The following DACH1 variants were observed in gnomAD, a reference collection of about 807,000 sequenced individuals.
DACH1 encodes dachshund family transcription factor 1.
DACH1 carries 12 observed loss-of-function variants against 54.2 expected under a neutral mutation model. The ratio of observed to expected loss-of-function variants is 0.22; its 90% CI spans 0.14 to 0.36. The LOEUF is 0.36. Ranked by LOEUF, DACH1 falls within the 10% of genes least tolerant of loss-of-function variation. DACH1 has a pLI of 1.00. For missense variants in DACH1, 805 were observed against 929.8 expected, an observed-to-expected ratio of 0.87 and a Z score of 1.75; for synonymous variants, 386 against 366.2, an observed-to-expected ratio of 1.05 and a Z score of -0.62.
At chr13:71,615,137 G>A (rs569024096) in intron 3 of DACH1, among the ~76,000 whole-genome samples, 1 of 151,862 alleles carries the variant, frequency 6.6e-6, no homozygotes, top group South Asian at 2.1e-4. Flanking sequence ...AACTATAAAA[G>A]CTTATGTTCT....
At chr13:71,569,059 T>C (rs1280885497) in intron 4 of DACH1, among the ~76,000 whole-genome samples, 1 of 152,164 alleles carries the variant, frequency 6.6e-6, no homozygotes, top group Non-Finnish European at 1.5e-5. Flanking sequence ...GACTCTCTCA[T>C]GAACGCTTGC....
At chr13:71,655,898 C>G (rs1879060718) in intron 2 of DACH1, among the ~76,000 whole-genome samples, 1 of 151,672 alleles carries the variant, frequency 6.6e-6, no homozygotes, top group Non-Finnish European at 1.5e-5. Flanking sequence ...ATTAATCTGC[C>G]AAAGAAGAAA....
intron 3 of DACH1, among the ~76,000 whole-genome samples, chr13:71,623,830 C>G (rs1362286676): frequency 1.3e-5 from 2 of 151,728 alleles, no homozygotes; most frequent in African/African-American, 4.8e-5. Flanking sequence ...CTCTCTGCTC[C>G]CCTACCTGAG....
At chr13:71,832,717 A>G (rs1177549099) in intron 1 of DACH1, among the ~76,000 whole-genome samples, 1 of 151,936 alleles carries the variant, frequency 6.6e-6, no homozygotes, top group Non-Finnish European at 1.5e-5. Context: ...GACATCTTCT[A>G]CTACTGGAAA....
At chr13:71,675,550 T>C in intron 2 of DACH1, 1 of 840,264 alleles carries the variant, frequency 1.2e-6, no homozygotes, top group Admixed American at 2.4e-5. Context: ...TTATTGGTAG[T>C]TCTGAACGTT....
intron 6 of DACH1, among the ~76,000 whole-genome samples, chr13:71,526,478 A>G (rs1881963352): frequency 6.6e-6 from 1 of 152,102 alleles, no homozygotes; most frequent in Non-Finnish European, 1.5e-5. Context: ...CATACTGACT[A>G]CAAATATCTT....
At chr13:71,657,222 T>G (rs1879169637) in intron 2 of DACH1, among the ~76,000 whole-genome samples, 1 of 151,940 alleles carries the variant, frequency 6.6e-6, no homozygotes, top group African/African-American at 2.4e-5. Context: ...TGTCTCCTAG[T>G]ATGGTGCATT....
At position 71,681,744 on chromosome 13, in the gene DACH1, G is replaced by A. The variant is rs752059142; in HGVS notation, c.964+51C>T. The A allele has an allele frequency of 2.9e-5, 39 of 1,344,180 alleles. No homozygotes were observed. In the East Asian group the frequency reaches 7.4e-4, roughly 25 times the overall value. The allele number at this position is 1,344,180 out of a possible 1,614,324, so 83.3% of individuals were successfully genotyped here. The stretch of plus-strand genomic sequence containing the variant: ...CACCACAGATATATATAAAAGCTAC[G>A]ACATTGGCTGATTTTTAATATTTTT... On this transcript the variant is annotated intron_variant, in intron 2 of 10. Coordinates refer to ENST00000613252, the MANE Select transcript of DACH1 (RefSeq NM_080759.6).
At chr13:71,768,860 G>A (rs1162397359) in intron 1 of DACH1, among the ~76,000 whole-genome samples, 1 of 151,764 alleles carries the variant, frequency 6.6e-6, no homozygotes, top group Non-Finnish European at 1.5e-5. Flanking sequence ...TGAGTTATTT[G>A]ACATCACGCA....
intron 1 of DACH1, among the ~76,000 whole-genome samples, chr13:71,767,488 T>C (rs1885687596): frequency 6.6e-6 from 1 of 152,092 alleles, no homozygotes; most frequent in Admixed American, 6.6e-5. Flanking sequence ...TATTAATCCA[T>C]TTCTATGACA....
At chr13:71,816,677 C>CAT (rs1186879484) in intron 1 of DACH1, among the ~76,000 whole-genome samples, 274 of 125,394 alleles carry the variant, frequency 2.2e-3, no homozygotes, top group African/African-American at 7.5e-3. Flanking sequence ...TATATACACA[C>CAT]ATATATATAT....
intron 10 of DACH1, among the ~76,000 whole-genome samples, chr13:71,467,514 TAAA>T (rs1876696332): frequency 6.6e-6 from 1 of 150,416 alleles, no homozygotes; most frequent in Non-Finnish European, 1.5e-5. Flanking sequence ...TAAAATAAAA[TAAA>T]TAAAAAAGAA....
chr13:71,865,788 A>T (rs1233893686), intron 1 of DACH1, 134 bp downstream of exon 1: 5 of 1,273,258 alleles, frequency 3.9e-6, no homozygotes, highest in Non-Finnish European at 4.9e-6. Flanking sequence ...GAGCAGGGAG[A>T]GGAGAGGGCC....
chr13:71,674,546 CT>C (rs1285710357), intron 2 of DACH1, among the ~76,000 whole-genome samples: 1 of 151,880 alleles, frequency 6.6e-6, no homozygotes, highest in Non-Finnish European at 1.5e-5. Flanking sequence ...CAAGAAATGC[CT>C]GCAGCTCCCA....
intron 8 of DACH1, among the ~76,000 whole-genome samples, chr13:71,478,158 T>G (rs1405720410): frequency 6.6e-6 from 1 of 152,082 alleles, no homozygotes; most frequent in Non-Finnish European, 1.5e-5. Context: ...TTGACCCAAC[T>G]TATTTATTCA....
At chr13:71,650,343 G>A (rs564657992) in intron 2 of DACH1, among the ~76,000 whole-genome samples, 85 of 152,122 alleles carry the variant, frequency 5.6e-4, no homozygotes, top group African/African-American at 2.0e-3. Flanking sequence ...AGCAGTACTT[G>A]GTATATTACA....
At chr13:71,691,857 A>T (rs1398526381) in intron 1 of DACH1, among the ~76,000 whole-genome samples, 1 of 152,182 alleles carries the variant, frequency 6.6e-6, no homozygotes, top group African/African-American at 2.4e-5. Flanking sequence ...AACCGTGTTA[A>T]ATACTGTAGT....
In DACH1 at chr13:71,501,394, T is replaced by C. The variant is rs117155305; in HGVS notation, c.1571-12246A>G. Among the ~76,000 whole-genome samples, 1,483 of 152,268 alleles carry C rather than the reference T, an allele frequency of 9.7e-3. 11 individuals are homozygous for C. The highest frequency in any genetic ancestry group is 0.017 in the Non-Finnish European group (1,145 of 68,030). On this transcript the variant is annotated intron_variant, in intron 6 of 10. Transcript: ENST00000613252. ...AAGAGATTTTAGGAGTGATAAAGAT[T>C]ATGTGTTTGTGATTTAAGAAAAGAT... is the stretch of plus-strand genomic sequence containing the variant.
At chr13:71,480,279 G>A (rs1390271118) in intron 7 of DACH1, among the ~76,000 whole-genome samples, 5 of 152,092 alleles carry the variant, frequency 3.3e-5, no homozygotes, top group Non-Finnish European at 4.4e-5. Flanking sequence ...ATTCAAGATG[G>A]TTGTAATAAA....
Sources: gnomAD v4.1 joint callset for allele counts (sites outside exome capture counted in the v4.1 genomes callset) on GRCh38, gnomAD v4.1.1 for gene constraint, MANE v1.5 for transcripts, NCBI Gene and HGNC (gene_info 2026-07-23, HGNC 2026-07-21) for gene names.